Variants in CSTPP1 observed in about 807,000 individuals in gnomAD.
CSTPP1 encodes the protein centriolar satellite-associated tubulin polyglutamylase complex regulator 1.
chr11:46,937,206 C>T, the CSTPP1 span, among the ~76,000 whole-genome samples: 1 of 152,108 alleles, frequency 6.6e-6, no homozygotes, highest in Non-Finnish European at 1.5e-5. Flanking sequence ...GCGAACATTT[C>T]GAGCTTTTCT....
the CSTPP1 span, among the ~76,000 whole-genome samples, chr11:47,022,520 C>T: frequency 1.4e-4 from 22 of 151,918 alleles, 1 homozygote; most frequent in Non-Finnish European, 2.9e-4. Context: ...CAGGCGTGCG[C>T]CACCACACCT....
the CSTPP1 span, among the ~76,000 whole-genome samples, chr11:46,995,287 T>G: frequency 6.6e-6 from 1 of 152,200 alleles, no homozygotes; most frequent in Non-Finnish European, 1.5e-5. Context: ...TCAGTTCTGC[T>G]CTGATCTTAG....
At chr11:47,046,937 G>A in the CSTPP1 span, among the ~76,000 whole-genome samples, 1 of 144,984 alleles carries the variant, frequency 6.9e-6, no homozygotes, top group African/African-American at 2.5e-5. Flanking sequence ...GTCTCACTCT[G>A]TCTCCCAGGC....
the CSTPP1 span, among the ~76,000 whole-genome samples, chr11:46,969,089 C>T: frequency 6.6e-6 from 1 of 152,146 alleles, no homozygotes. Flanking sequence ...AAGACCAGAT[C>T]TGAACATTTT....
chr11:47,112,493 T>C, the CSTPP1 span, among the ~76,000 whole-genome samples: 1 of 152,162 alleles, frequency 6.6e-6, no homozygotes, highest in Admixed American at 6.5e-5. Flanking sequence ...GGCTAATTTT[T>C]GTATTTTTTG....
chr11:46,957,968 G>A, the CSTPP1 span, among the ~76,000 whole-genome samples: 3 of 152,066 alleles, frequency 2.0e-5, no homozygotes, highest in Admixed American at 2.0e-4. Context: ...TGAACAACAT[G>A]GATTTGAATT....
At chr11:46,976,626 A>C in the CSTPP1 span, among the ~76,000 whole-genome samples, 13 of 152,330 alleles carry the variant, frequency 8.5e-5, no homozygotes, top group African/African-American at 3.1e-4. Flanking sequence ...AGTTGAGTAC[A>C]TAGTACAGTG....
At chr11:47,061,835 C>T in the CSTPP1 span, among the ~76,000 whole-genome samples, 1 of 152,050 alleles carries the variant, frequency 6.6e-6, no homozygotes, top group African/African-American at 2.4e-5. Flanking sequence ...ATCTTTTCTC[C>T]AGGGAGAAAA....
At chr11:47,045,304 A>G in the CSTPP1 span, among the ~76,000 whole-genome samples, 1 of 152,226 alleles carries the variant, frequency 6.6e-6, no homozygotes, top group South Asian at 2.1e-4. Context: ...AGGTTTATGT[A>G]TATTAATAAA....
At chr11:47,002,165 C>G in the CSTPP1 span, among the ~76,000 whole-genome samples, 3 of 150,508 alleles carry the variant, frequency 2.0e-5, no homozygotes, top group South Asian at 4.3e-4. Flanking sequence ...TTGTCAGCAT[C>G]TGGTTTCCCA....
chr11:47,058,856 G>C, the CSTPP1 span, among the ~76,000 whole-genome samples: 3 of 152,184 alleles, frequency 2.0e-5, no homozygotes, highest in Admixed American at 6.5e-5. Flanking sequence ...TGCATGACAG[G>C]CTGGAAATAC....
At chr11:47,118,701 A>G in the CSTPP1 span, among the ~76,000 whole-genome samples, 1 of 152,106 alleles carries the variant, frequency 6.6e-6, no homozygotes, top group Non-Finnish European at 1.5e-5. Flanking sequence ...TCCTTCTAAC[A>G]GTCAGGTCCC....
the CSTPP1 span, among the ~76,000 whole-genome samples, chr11:46,966,133 C>T: frequency 6.6e-6 from 1 of 152,146 alleles, no homozygotes; most frequent in Non-Finnish European, 1.5e-5. Context: ...ACCTCTACCT[C>T]CCGGGTTCAA....
At chr11:46,945,257 G>A in the CSTPP1 span, among the ~76,000 whole-genome samples, 18,051 of 152,182 alleles carry the variant, frequency 0.12, 1,408 homozygotes, top group South Asian at 0.2. Context: ...AAATAAAATA[G>A]GTGTTAAACT....
the CSTPP1 span, among the ~76,000 whole-genome samples, chr11:46,965,004 C>T: frequency 6.6e-6 from 1 of 152,036 alleles, no homozygotes. Flanking sequence ...GATGGTTGGA[C>T]AGGTAATCAT....
chr11:47,029,896 A>G, the CSTPP1 span, among the ~76,000 whole-genome samples: 1 of 150,796 alleles, frequency 6.6e-6, no homozygotes, highest in African/African-American at 2.4e-5. Flanking sequence ...CCAGGAGTTC[A>G]AGACCAGCCT....
chr11:46,979,886 C>G, the CSTPP1 span, among the ~76,000 whole-genome samples: 2 of 152,152 alleles, frequency 1.3e-5, no homozygotes, highest in Non-Finnish European at 2.9e-5. Context: ...ACACTCCAGC[C>G]TGGGTGACAA....
At chr11:46,962,697 C>T in the CSTPP1 span, among the ~76,000 whole-genome samples, 1 of 152,128 alleles carries the variant, frequency 6.6e-6, no homozygotes. Context: ...TCATAGTTAG[C>T]ACTGTTTTCT....
chr11:47,155,118 C>T, the CSTPP1 span: 1 of 1,381,046 alleles, frequency 7.2e-7, no homozygotes, highest in Non-Finnish European at 1.0e-6. Context: ...CCCTCTCTCC[C>T]TCCCCTCCTT....
Sources: allele counts gnomAD v4.1 joint callset (sites outside exome capture counted in the v4.1 genomes callset), GRCh38; gene constraint gnomAD v4.1.1; transcripts MANE v1.5; gene names NCBI Gene and HGNC (gene_info 2026-07-23, HGNC 2026-07-21).